The following RELL1 variants were observed in gnomAD, a reference collection of about 807,000 sequenced individuals.
The protein encoded by RELL1 is RELT like 1.
RELL1 carries 10 observed loss-of-function variants against 23.0 expected under a neutral mutation model. The ratio of observed to expected loss-of-function variants is 0.43; its 90% CI spans 0.27 to 0.74. RELL1 has a LOEUF of 0.74. RELL1 is among the 30% of genes least tolerant of loss of function. The pLI is 0.19. For synonymous variants in RELL1, 146 were observed against 146.8 expected (o/e 0.99, Z 0.04); for missense variants, 315 against 364.4 (o/e 0.86, Z 1.10).
intron 1 of RELL1, among the ~76,000 whole-genome samples, chr4:37,653,038 G>C (rs1193766232): frequency 6.6e-6 from 1 of 152,016 alleles, no homozygotes; most frequent in African/African-American, 2.4e-5. Flanking sequence ...AGATGGCCCT[G>C]GGAAATAAAA....
chr4:37,662,287 C>G (rs1432824495), intron 1 of RELL1, among the ~76,000 whole-genome samples: 1 of 152,110 alleles, frequency 6.6e-6, no homozygotes, highest in Non-Finnish European at 1.5e-5. Context: ...AAATGCATTT[C>G]AACTTACAAT....
intron 6 of RELL1, among the ~76,000 whole-genome samples, chr4:37,615,505 TGTGTGG>T (rs1051015156): frequency 4.6e-5 from 7 of 152,282 alleles, no homozygotes; most frequent in African/African-American, 1.7e-4. Context: ...TCAGAAATCA[TGTGTGG>T]GTGGGCACAG....
rs148634556 is a variant in RELL1 at position 37,676,565 on chromosome 4, T to A, written c.88+9635A>T. The stretch of plus-strand genomic sequence containing the variant: ...CACACCATATCACCTGATAAGGTAG[T>A]ATTGATTGTTTGTTATTATCATTCT... On this transcript the variant is annotated intron_variant, in intron 1 of 6. Coordinates refer to ENST00000454158, the MANE Select transcript of RELL1 (RefSeq NM_001085400.2). 7.9e-5 allele frequency among the ~76,000 whole-genome samples: 12 copies of A among 152,288 alleles called. No individual in the cohort carries two copies. The East Asian group carries it at 2.3e-3, about 29-fold the overall frequency.
downstream of RELL1, among the ~76,000 whole-genome samples, chr4:37,608,076 C>G (rs1719277548): frequency 6.6e-6 from 1 of 152,178 alleles, no homozygotes; most frequent in Non-Finnish European, 1.5e-5. Flanking sequence ...CATAAAATGA[C>G]AAACTTAATC....
At chr4:37,624,274 C>T (rs950091059) in intron 6 of RELL1, among the ~76,000 whole-genome samples, 6 of 152,186 alleles carry the variant, frequency 3.9e-5, no homozygotes, top group African/African-American at 9.6e-5. Context: ...ACGCTTAGGC[C>T]GAAAACGTCT....
chr4:37,588,977 A>G (rs1718453436), downstream of RELL1: 3 of 1,037,232 alleles, frequency 2.9e-6, no homozygotes, highest in South Asian at 3.9e-5. Context: ...CCATGCGTGT[A>G]TTCAGTGCAT....
In RELL1 at chr4:37,611,673, A is replaced by AT. The variant is rs1242342619; in HGVS notation, c.*1672dup. Among the ~76,000 whole-genome samples the AT allele has an allele frequency of 6.6e-6, 1 of 151,942 alleles. No homozygotes were observed. Among genetic ancestry groups the AT allele is most frequent in the Non-Finnish European group, 1.5e-5 (1 of 67,994 alleles). ...GCTCACCCCAGAGCTACCATAAATC[A>AT]TGTAATACTATTTATGCCTCTGGGT... On this transcript the variant is annotated 3_prime_UTR_variant, in exon 7 of 7. Transcript: ENST00000454158.
rs767257746 is a variant in RELL1 at position 37,631,535 on chromosome 4, A to T, written c.681-12T>A. ...TTGTAACTCTAAATCTGAGGGGGGA[A>T]TGGGGAGAGGTGATGGGGTTTGCTT... On this transcript the variant is annotated splice_polypyrimidine_tract_variant and intron_variant, in intron 5 of 6. Transcript: ENST00000454158. The T allele has an allele frequency of 1.1e-5, 18 of 1,613,720 alleles. No individual in the cohort carries two copies. The highest frequency in any genetic ancestry group is 1.4e-5 in the Non-Finnish European group (17 of 1,179,794).
intron 1 of RELL1, among the ~76,000 whole-genome samples, chr4:37,679,062 T>C (rs1235611612): frequency 6.6e-6 from 1 of 152,042 alleles, no homozygotes; most frequent in East Asian, 1.9e-4. Context: ...GAAAACCAGG[T>C]CCTCTGAGTT....
downstream of RELL1, chr4:37,588,891 A>T: frequency 1.2e-6 from 2 of 1,613,180 alleles, no homozygotes; most frequent in Non-Finnish European, 8.5e-7. Flanking sequence ...GCTGTAAAAT[A>T]ATACAAAGGT....
intron 1 of RELL1, among the ~76,000 whole-genome samples, chr4:37,657,364 A>C (rs185705725): frequency 2.0e-4 from 30 of 152,284 alleles, no homozygotes; most frequent in African/African-American, 6.7e-4. Context: ...CCTTCTGAGC[A>C]AGCAAGGAGG....
chr4:37,607,521 C>T (rs1209619335), downstream of RELL1, among the ~76,000 whole-genome samples: 2 of 151,508 alleles, frequency 1.3e-5, no homozygotes, highest in South Asian at 4.2e-4. Context: ...TTTAATGAAC[C>T]GTACGTGTGT....
At position 37,604,934 on chromosome 4, in the gene RELL1, G is replaced by GACACACACACACACAGAC. The variant is rs200537025; in HGVS notation, c.*4-13718_*4-13717insGTCTGTGTGTGTGTGTGT. On this transcript the variant is annotated intron_variant, in intron 6 of 6. Coordinates refer to the RELL1 transcript ENST00000314117. ...ACACACACACAGACACACACACACA[G>GACACACACACACACAGAC]ACACACACATACACACACAGAGACA... is the stretch of plus-strand genomic sequence containing the variant. 1.0e-4 allele frequency among the ~76,000 whole-genome samples: 12 copies of GACACACACACACACAGAC among 116,422 alleles called. 2 individuals are homozygous for GACACACACACACACAGAC. Among genetic ancestry groups the GACACACACACACACAGAC allele is most frequent in the African/African-American group, 2.9e-4 (8 of 28,050 alleles). 76.4% of individuals were successfully genotyped at this position (116,422 alleles called of 152,430 possible).
chr4:37,592,353 G>GAAAAA (rs11403816), intron 6 of RELL1, among the ~76,000 whole-genome samples: 1 of 108,190 alleles, frequency 9.2e-6, no homozygotes, highest in Non-Finnish European at 2.0e-5. Flanking sequence ...CCATCTCTAT[G>GAAAAA]AAAAAAAAAA....
chr4:37,609,042 T>C (rs1432093516), downstream of RELL1, among the ~76,000 whole-genome samples: 1 of 152,148 alleles, frequency 6.6e-6, no homozygotes, highest in African/African-American at 2.4e-5. Flanking sequence ...CTAGGTAAGA[T>C]CATGGATGAA....
chr4:37,649,149 C>T (rs1177255743), intron 2 of RELL1, 127 bp downstream of exon 2: 2 of 788,906 alleles, frequency 2.5e-6, no homozygotes, highest in East Asian at 2.4e-5. Context: ...TCTGCACTTA[C>T]ACTACACTGC....
At chr4:37,683,832 AGCACTTTG>A (rs1348199214) in intron 1 of RELL1, among the ~76,000 whole-genome samples, 1 of 151,754 alleles carries the variant, frequency 6.6e-6, no homozygotes, top group Non-Finnish European at 1.5e-5. Context: ...CTGTAATCCC[AGCACTTTG>A]GGAGGCCAAG....
chr4:37,678,484 A>G (rs973307464), intron 1 of RELL1, among the ~76,000 whole-genome samples: 1 of 151,974 alleles, frequency 6.6e-6, no homozygotes, highest in Non-Finnish European at 1.5e-5. Context: ...AGCCCATCAG[A>G]CCCTACTCCT....
intron 1 of RELL1, among the ~76,000 whole-genome samples, chr4:37,653,351 CAAGTATTGAAACCTCAATATTCAAT>C (rs1721014961): frequency 1.9e-5 from 1 of 51,798 alleles, no homozygotes; most frequent in Non-Finnish European, 3.8e-5. Context: ...AACCTCAATA[CAAGTATTGAAACCTCAATATTCAAT>C]ACAAGTATTG....
Sources: gnomAD v4.1 joint callset for allele counts (sites outside exome capture counted in the v4.1 genomes callset) on GRCh38, gnomAD v4.1.1 for gene constraint, MANE v1.5 for transcripts, NCBI Gene and HGNC (gene_info 2026-07-23, HGNC 2026-07-21) for gene names.